The following MAN2A1 variants were observed in gnomAD, a reference collection of about 807,000 sequenced individuals.
The protein encoded by MAN2A1 is alpha-mannosidase 2.
A neutral mutation model predicts 142.6 loss-of-function variants in MAN2A1; 76 were observed. The ratio of observed to expected loss-of-function variants is 0.53; its 90% CI spans 0.44 to 0.65. The LOEUF (loss-of-function observed/expected upper bound fraction) is 0.65. Ranked by LOEUF, MAN2A1 falls within the 30% of genes least tolerant of loss-of-function variation. MAN2A1 has a pLI of 0.00. For missense variants in MAN2A1, 1,311 were observed against 1,365.1 expected, an observed-to-expected ratio of 0.96 and a Z score of 0.62; for synonymous variants, 559 against 473.2, an observed-to-expected ratio of 1.18 and a Z score of -2.35.
chr5:109,736,330 G>A (rs983598602), intron 4 of MAN2A1, among the ~76,000 whole-genome samples: 8 of 152,002 alleles, frequency 5.3e-5, no homozygotes, highest in African/African-American at 1.7e-4. Context: ...ATTGATATTT[G>A]TTTTATAAAG....
intron 3 of MAN2A1, among the ~76,000 whole-genome samples, chr5:109,717,148 A>G (rs1438428355): frequency 6.6e-6 from 1 of 151,828 alleles, no homozygotes; most frequent in African/African-American, 2.4e-5. Context: ...TAATATCTCG[A>G]TTTCATGATT....
intron 5 of MAN2A1, among the ~76,000 whole-genome samples, chr5:109,756,553 A>G (rs776131337): frequency 3.9e-5 from 6 of 152,156 alleles, no homozygotes; most frequent in Admixed American, 1.3e-4. Flanking sequence ...AATACTGCAA[A>G]ATATTCTCAT....
chr5:109,705,881 CCT>C (rs1751116576), intron 1 of MAN2A1, among the ~76,000 whole-genome samples: 2 of 152,162 alleles, frequency 1.3e-5, no homozygotes, highest in African/African-American at 4.8e-5. Flanking sequence ...CTCACATCTC[CCT>C]CTCTGGCCTG....
At chr5:109,777,437 T>C (rs1410990726) in intron 8 of MAN2A1, among the ~76,000 whole-genome samples, 2 of 152,114 alleles carry the variant, frequency 1.3e-5, no homozygotes, top group African/African-American at 4.8e-5. Context: ...TCTTACTGTT[T>C]ATAGCTCTTT....
At chr5:109,761,928 G>C (rs901562662) in intron 5 of MAN2A1, among the ~76,000 whole-genome samples, 2 of 151,944 alleles carry the variant, frequency 1.3e-5, no homozygotes, top group Admixed American at 6.6e-5. Context: ...TATAAAGTAA[G>C]AATTGTATAT....
chr5:109,809,543 G>A (rs533219013), intron 12 of MAN2A1, among the ~76,000 whole-genome samples: 145 of 151,948 alleles, frequency 9.5e-4, no homozygotes, highest in Non-Finnish European at 1.7e-3. Context: ...GTATTTTTTT[G>A]TTTCCTCACC....
intron 1 of MAN2A1, among the ~76,000 whole-genome samples, chr5:109,711,391 A>G (rs1751296770): frequency 6.6e-6 from 1 of 152,166 alleles, no homozygotes; most frequent in Admixed American, 6.5e-5. Context: ...CATTTCCCCT[A>G]TTTCAGACAG....
At chr5:109,801,143 T>C (rs954977880) in intron 12 of MAN2A1, among the ~76,000 whole-genome samples, 3 of 152,162 alleles carry the variant, frequency 2.0e-5, no homozygotes, top group Non-Finnish European at 4.4e-5. Flanking sequence ...ATGGACAAGT[T>C]TCAAGGCAGG....
intron 5 of MAN2A1, among the ~76,000 whole-genome samples, chr5:109,756,933 A>T (rs181749578): frequency 7.2e-5 from 11 of 152,154 alleles, no homozygotes; most frequent in Non-Finnish European, 1.6e-4. Context: ...AGCCCCCAAC[A>T]TTGGACACTG....
At chr5:109,863,551 A>G (rs1015316121) in intron 20 of MAN2A1, 1 of 152,222 alleles carries the variant, frequency 6.6e-6, no homozygotes, top group African/African-American at 2.4e-5. Flanking sequence ...CTACTTACAT[A>G]GTATTTTCAA....
At chr5:109,852,731 G>T (rs764758503) in intron 19 of MAN2A1, among the ~76,000 whole-genome samples, 1 of 152,244 alleles carries the variant, frequency 6.6e-6, no homozygotes, top group South Asian at 2.1e-4. Context: ...CAAGGCTGGG[G>T]TATTCATTTA....
At chr5:109,854,888 C>T (rs1021167827) in intron 19 of MAN2A1, 1 of 310,122 alleles carries the variant, frequency 3.2e-6, no homozygotes, top group African/African-American at 2.1e-5. Context: ...GAAATGTTTT[C>T]AGTATTTTTA....
intron 12 of MAN2A1, among the ~76,000 whole-genome samples, chr5:109,814,736 G>T (rs939218671): frequency 1.3e-5 from 2 of 152,128 alleles, no homozygotes; most frequent in African/African-American, 4.8e-5. Flanking sequence ...TTAATAGGGT[G>T]CAAAACCAAA....
intron 4 of MAN2A1, among the ~76,000 whole-genome samples, chr5:109,735,017 A>G (rs1001417292): frequency 5.9e-5 from 9 of 152,042 alleles, no homozygotes; most frequent in African/African-American, 2.2e-4. Flanking sequence ...AAGTCTCTTT[A>G]TAGGTCACTC....
chr5:109,797,238 C>T (rs1401957564), intron 12 of MAN2A1, among the ~76,000 whole-genome samples: 1 of 151,938 alleles, frequency 6.6e-6, no homozygotes, highest in Non-Finnish European at 1.5e-5. Flanking sequence ...TGATTTATTA[C>T]AGAGACCAGA....
intron 12 of MAN2A1, among the ~76,000 whole-genome samples, chr5:109,802,020 C>T (rs969854413): frequency 2.0e-5 from 3 of 152,110 alleles, no homozygotes; most frequent in East Asian, 1.9e-4. Context: ...TTGATTCATA[C>T]ATTCATTCAT....
At chr5:109,820,171 T>C (rs1580285904) in intron 14 of MAN2A1, 49 bp from the exon 15 acceptor site, 20 of 1,496,882 alleles carry the variant, frequency 1.3e-5, no homozygotes, top group Non-Finnish European at 1.8e-5. Flanking sequence ...TGCAACATGC[T>C]TAACATCTTA....
At chr5:109,725,261 G>C (rs1203704976) in intron 3 of MAN2A1, among the ~76,000 whole-genome samples, 2 of 152,206 alleles carry the variant, frequency 1.3e-5, no homozygotes, top group African/African-American at 2.4e-5. Context: ...GATTGCTGTT[G>C]CTCTAGTTCC....
intron 19 of MAN2A1, among the ~76,000 whole-genome samples, chr5:109,850,080 C>T (rs985637299): frequency 1.3e-5 from 2 of 152,168 alleles, no homozygotes; most frequent in South Asian, 2.1e-4. Flanking sequence ...CTGTGCATCT[C>T]ACCTTCCTGC....
Sources: allele counts gnomAD v4.1 joint callset (sites outside exome capture counted in the v4.1 genomes callset), GRCh38; gene constraint gnomAD v4.1.1; transcripts MANE v1.5; gene names NCBI Gene and HGNC (gene_info 2026-07-23, HGNC 2026-07-21).